The following ATP5MC1 variants were observed in gnomAD, a reference collection of about 807,000 sequenced individuals.
ATP5MC1 encodes the protein ATP synthase F(0) complex subunit C1, mitochondrial.
In ATP5MC1, 4 loss-of-function variants were observed where a neutral mutation model predicts 12.1. That is an observed-to-expected ratio of 0.33 (90% CI 0.16 to 0.76). ATP5MC1 has a LOEUF of 0.76. Ranked by LOEUF, ATP5MC1 falls within the 30% of genes least tolerant of loss-of-function variation. The probability of loss-of-function intolerance (pLI) is 0.61; values close to 1 mark genes in which losing one functional copy is unlikely to be tolerated. For missense variants in ATP5MC1, 117 were observed against 172.1 expected (o/e 0.68, Z 1.79); for synonymous variants, 52 against 66.0 (o/e 0.79, Z 1.03).
chr17:48,892,844 AGTCT>A lies in ATP5MC1; in HGVS notation c.-72_-69del. 6.5e-6 allele frequency: 1 copy of A among 153,870 alleles called. No homozygotes were observed. The highest frequency in any genetic ancestry group is 1.4e-5 in the Non-Finnish European group (1 of 69,054). 9.5% of individuals were successfully genotyped at this position (153,870 alleles called of 1,614,324 possible). On this transcript the variant is annotated 5_prime_UTR_variant, in exon 1 of 5. Transcript: ENST00000393366. Reference sequence around the variant, plus strand: ...GACCAAGGGCTAAAGCTGGGAGGTGAGTCTGTCACCTTGAGCCGGGCGAGCGCTG... The same window carrying A: ...GACCAAGGGCTAAAGCTGGGAGGTGAGTCACCTTGAGCCGGGCGAGCGCTG...
chr17:48,895,380 C>A, intron 4 of ATP5MC1, 46 bp downstream of exon 4: 1 of 1,541,300 alleles, frequency 6.5e-7, no homozygotes, highest in Non-Finnish European at 8.8e-7. Context: ...AATTCCACCC[C>A]GTTTGGGGAA....
rs772918422 is a variant in ATP5MC1 at position 48,895,660 on chromosome 17, C to T, written c.302C>T (p.Pro101Leu). Residue 101 changes from proline (P) to leucine (L), a missense_variant, in exon 5 of 5, where the codon CCG becomes CTG. Transcript: ENST00000393366. The part of the protein sequence containing the change: ...GSLIIGYARN[P>L]SLKQQLFSYA... ...ATGATCTCTGTCCCTCCCAGGAACC[C>T]GTCTCTCAAGCAGCAGCTCTTCTCC... 5.0e-6 allele frequency: 8 copies of T among 1,613,678 alleles called. No homozygotes were observed. The African/African-American group carries it at 5.3e-5, about 11-fold the overall frequency.
At chr17:48,894,484 A>C in intron 3 of ATP5MC1, 35 bp downstream of exon 3, 1 of 1,602,098 alleles carries the variant, frequency 6.2e-7, no homozygotes, top group Non-Finnish European at 8.5e-7. Flanking sequence ...GAATGTTCCC[A>C]AGGCCCAGGA....
chr17:48,895,787 A>G lies in ATP5MC1; in HGVS notation c.*18A>G. 6.3e-7 allele frequency: 1 copy of G among 1,595,354 alleles called. No homozygotes were observed. The highest frequency in any genetic ancestry group is 8.6e-7 in the Non-Finnish European group (1 of 1,164,546). Reference sequence around the variant, plus strand: ...CCATGTGAGGCTCCATGGGGGGGTCACCGGCCTGTTGCTACTGCAACTCCA... The same window carrying G: ...CCATGTGAGGCTCCATGGGGGGGTCGCCGGCCTGTTGCTACTGCAACTCCA... On this transcript the variant is annotated 3_prime_UTR_variant, in exon 5 of 5. Coordinates refer to ENST00000393366, the MANE Select transcript of ATP5MC1 (RefSeq NM_005175.3).
intron 1 of ATP5MC1, 30 bp from the exon 2 acceptor site, chr17:48,893,379 T>A: frequency 1.4e-5 from 23 of 1,611,674 alleles, no homozygotes; most frequent in Non-Finnish European, 2.0e-5. Flanking sequence ...CTCAGTGGGA[T>A]TATTATTACT....
intron 2 of ATP5MC1, chr17:48,893,761 T>C (rs2143731780): frequency 4.2e-6 from 2 of 472,358 alleles, no homozygotes; most frequent in Non-Finnish European, 7.6e-6. Flanking sequence ...GGGAACTTTT[T>C]AAAATCCTGA....
rs779187235 is a variant in ATP5MC1, at chr17:48,895,109, G to T, written c.118-47G>T. ...GGTAGAGTCAGCCACCTGTCCTTATGCCATACTATCTCTCTGCTATCTCGC... is the reference window on the plus strand; with the variant it reads ...GGTAGAGTCAGCCACCTGTCCTTATTCCATACTATCTCTCTGCTATCTCGC... On this transcript the variant is annotated intron_variant, in intron 3 of 4. Transcript: ENST00000393366. 3.9e-6 allele frequency: 6 copies of T among 1,547,466 alleles called. No individual in the cohort carries two copies. In the East Asian group the frequency reaches 1.2e-4, roughly 31 times the overall value.
At chr17:48,893,344 G>A (rs1022425271) in intron 1 of ATP5MC1, 65 bp from the exon 2 acceptor site, 2 of 1,564,468 alleles carry the variant, frequency 1.3e-6, no homozygotes, top group African/African-American at 1.4e-5. Context: ...ACCAAAGGTC[G>A]TCATTATAAG....
At chr17:48,894,972 G>A (rs1408423940) in intron 3 of ATP5MC1, 184 bp from the exon 4 acceptor site, 5 of 755,980 alleles carry the variant, frequency 6.6e-6, no homozygotes, top group Non-Finnish European at 9.1e-6. Flanking sequence ...CCTGTCTGCT[G>A]TCTGACAACA....
In ATP5MC1 at chr17:48,893,546, G is replaced by A. The variant is rs190632325; in HGVS notation, c.39+90G>A. ...ATGAATGAACCCAGGGGAGCTTGGC[G>A]TCCTGATGATGTAGGCTCTTTGAGG... On this transcript the variant is annotated intron_variant, in intron 2 of 4. Coordinates refer to ENST00000393366, the MANE Select transcript of ATP5MC1 (RefSeq NM_005175.3). The A allele has an allele frequency of 2.0e-3, 2,870 of 1,460,122 alleles. 6 individuals are homozygous for A. Among genetic ancestry groups the A allele is most frequent in the Non-Finnish European group, 2.5e-3 (2,602 of 1,051,576 alleles). 90.4% of individuals were successfully genotyped at this position (1,460,122 alleles called of 1,614,324 possible). A position where few individuals can be genotyped will look rare whatever the true frequency, so the allele number is the denominator to read the frequency against.
In ATP5MC1 at chr17:48,895,348, G is replaced by A; in HGVS notation, c.296+14G>A. ...TGGCTATGCCAGGTAAGTTTGGGTG[G>A]TCTACAGCATCTCCCACTGTAAATT... On this transcript the variant is annotated intron_variant, in intron 4 of 4. Transcript: ENST00000393366. 6.3e-7 allele frequency: 1 copy of A among 1,576,058 alleles called. No homozygotes were observed. Among genetic ancestry groups the A allele is most frequent in the South Asian group, 1.1e-5 (1 of 86,988 alleles).
intron 4 of ATP5MC1, 50 bp from the exon 5 acceptor site, chr17:48,895,605 C>A: frequency 6.6e-7 from 1 of 1,523,960 alleles, no homozygotes; most frequent in Non-Finnish European, 9.1e-7. Context: ...TCCTCCCCTC[C>A]CCTCACCCCT....
rs538492925 is a variant in ATP5MC1, at chr17:48,894,614, A to T, written c.117+165A>T. ...GAAACCCCATCTCTACAAAAAAAAT[A>T]AAAAAATTAGCCATGTGTGGTGGCA... On this transcript the variant is annotated intron_variant, in intron 3 of 4. Transcript: ENST00000393366. 83 of 640,658 alleles carry T rather than the reference A, an allele frequency of 1.3e-4. No homozygotes were observed. The East Asian group carries it at 2.1e-3, about 16-fold the overall frequency. 39.7% of individuals were successfully genotyped at this position (640,658 alleles called of 1,614,324 possible). A position where few individuals can be genotyped will look rare whatever the true frequency, so the allele number is the denominator to read the frequency against.
chr17:48,895,583 C>G lies in ATP5MC1; in HGVS notation c.297-72C>G, dbSNP rs2040565439. 52 of 1,413,986 alleles carry G rather than the reference C, an allele frequency of 3.7e-5. 1 individual carries two copies. The South Asian group carries it at 6.0e-4, about 16-fold the overall frequency. The allele number at this position is 1,413,986 out of a possible 1,614,324, so 87.6% of individuals were successfully genotyped here. ...CAGGAGTAACAGTCCCCATTCACCT[C>G]ACCCTCCTGTGTCCTCCCCTCCCCT... On this transcript the variant is annotated intron_variant, in intron 4 of 4. Transcript: ENST00000393366.
At chr17:48,893,715 T>C (rs1284952946) in intron 2 of ATP5MC1, 1 of 557,858 alleles carries the variant, frequency 1.8e-6, no homozygotes, top group East Asian at 3.0e-5. Flanking sequence ...ACTAAAACAG[T>C]GGTTTTCAAC....
At chr17:48,893,636 T>C in intron 2 of ATP5MC1, 180 bp downstream of exon 2, 1 of 697,564 alleles carries the variant, frequency 1.4e-6, no homozygotes, top group Non-Finnish European at 2.5e-6. Context: ...CTATCTTGGC[T>C]TTGGAATGTG....
At chr17:48,895,117 ATCTC>A (rs3080082) in intron 3 of ATP5MC1, 35 bp from the exon 4 acceptor site, 804,178 of 1,581,128 alleles carry the variant, frequency 0.51, 212,131 homozygotes, top group East Asian at 0.72. Context: ...ATGCCATACT[ATCTC>A]TCTGCTATCT....
intron 3 of ATP5MC1, 58 bp from the exon 4 acceptor site, chr17:48,895,098 C>T: frequency 1.3e-6 from 2 of 1,566,986 alleles, no homozygotes; most frequent in Admixed American, 1.8e-5. Flanking sequence ...GAGTCAGCCA[C>T]CTGTCCTTAT....
rs752108294 is a variant in ATP5MC1, at chr17:48,893,496, ATG to A, written c.39+41_39+42del. Reference sequence around the variant, plus strand: ...CGCAGTGCTCTGTAGTACCAGGTGTATGGTGTGGACGCCATCAGTGTTTAATG... The same window carrying A: ...CGCAGTGCTCTGTAGTACCAGGTGTAGTGTGGACGCCATCAGTGTTTAATG... On this transcript the variant is annotated intron_variant, in intron 2 of 4. Coordinates refer to ENST00000393366, the MANE Select transcript of ATP5MC1 (RefSeq NM_005175.3). 1.9e-6 allele frequency: 3 copies of A among 1,609,944 alleles called. No individual in the cohort carries two copies. In the African/African-American group the frequency reaches 4.0e-5, roughly 22 times the overall value.
Sources: allele counts gnomAD v4.1 joint callset, GRCh38; gene constraint gnomAD v4.1.1; transcripts MANE v1.5; gene names NCBI Gene and HGNC (gene_info 2026-07-23, HGNC 2026-07-21).